STON2: variants seen among roughly 807,000 people sequenced by gnomAD.
STON2 encodes stonin-2.
STON2 carries 29 observed loss-of-function variants against 65.7 expected under a neutral mutation model. The ratio of observed to expected loss-of-function variants is 0.44; its 90% CI spans 0.33 to 0.60. The LOEUF (loss-of-function observed/expected upper bound fraction) is 0.60, where lower values mean the gene tolerates loss of function less well. Ranked by LOEUF, STON2 falls within the 20% of genes least tolerant of loss-of-function variation. The probability of loss-of-function intolerance (pLI) is 0.03; values close to 1 mark genes in which losing one functional copy is unlikely to be tolerated. For synonymous variants in STON2, 404 were observed against 414.2 expected, an observed-to-expected ratio of 0.98 and a Z score of 0.30; for missense variants, 1,054 against 1,118.1, an observed-to-expected ratio of 0.94 and a Z score of 0.82.
chr14:81,271,265 G>T (rs144226775), intron 6 of STON2, among the ~76,000 whole-genome samples: 1 of 152,324 alleles, frequency 6.6e-6, no homozygotes, highest in East Asian at 1.9e-4. Context: ...ACAGCTTCCT[G>T]GAGCAAATCA....
At chr14:81,304,261 T>C (rs1315297228) in intron 5 of STON2, among the ~76,000 whole-genome samples, 1 of 152,212 alleles carries the variant, frequency 6.6e-6, no homozygotes, top group Non-Finnish European at 1.5e-5. Flanking sequence ...TTAAGAGTTA[T>C]TTTCTGGTTA....
intron 2 of STON2, among the ~76,000 whole-genome samples, chr14:81,410,291 A>AC (rs1383324506): frequency 2.9e-4 from 42 of 146,172 alleles, no homozygotes; most frequent in African/African-American, 9.9e-4. Context: ...AAAAAAAAAA[A>AC]AAAAAAAAAA....
chr14:81,419,448 T>C (rs1227058717), intron 2 of STON2, among the ~76,000 whole-genome samples: 3 of 152,210 alleles, frequency 2.0e-5, no homozygotes, highest in Non-Finnish European at 4.4e-5. Context: ...ATTGGGATTT[T>C]TAAAAACAGG....
At chr14:81,386,499 G>A (rs1899813869) in intron 3 of STON2, among the ~76,000 whole-genome samples, 1 of 152,166 alleles carries the variant, frequency 6.6e-6, no homozygotes, top group Admixed American at 6.5e-5. Flanking sequence ...TCTTTCTCTG[G>A]TCCCAAATAA....
At chr14:81,292,720 T>C (rs2140160103) in intron 5 of STON2, among the ~76,000 whole-genome samples, 1 of 152,342 alleles carries the variant, frequency 6.6e-6, no homozygotes, top group South Asian at 2.1e-4. Flanking sequence ...CAGTTCTTTA[T>C]AGCAGTGTGA....
rs573619299 is a variant in STON2, at chr14:81,342,787, GT to G, written c.572-18601del. Among the ~76,000 whole-genome samples, 66 of 152,312 alleles carry G rather than the reference GT, an allele frequency of 4.3e-4. 1 individual carries two copies. The South Asian group carries it at 0.011, about 26-fold the overall frequency. On this transcript the variant is annotated intron_variant, in intron 4 of 7. Coordinates refer to ENST00000614646, the MANE Select transcript of STON2 (RefSeq NM_001394390.1). Reference sequence around the variant, plus strand: ...TCTAGAAGGGGGGGCATGGGGACAAGTGAAGCCAGAGAGCGCCAGAACAGAG... The same window carrying G: ...TCTAGAAGGGGGGGCATGGGGACAAGGAAGCCAGAGAGCGCCAGAACAGAG...
intron 5 of STON2, among the ~76,000 whole-genome samples, chr14:81,284,615 C>A (rs1199814591): frequency 6.6e-6 from 1 of 152,172 alleles, no homozygotes; most frequent in African/African-American, 2.4e-5. Flanking sequence ...GTAGAAGCTG[C>A]AACAAGTTAT....
intron 2 of STON2, among the ~76,000 whole-genome samples, chr14:81,407,744 T>C (rs747437003): frequency 6.6e-6 from 1 of 152,186 alleles, no homozygotes; most frequent in Non-Finnish European, 1.5e-5. Flanking sequence ...AAAGGAAGAA[T>C]GGGAAAAACA....
In STON2 at chr14:81,369,771, G is replaced by A. The variant is rs954173072; in HGVS notation, c.571+1217C>T. Among the ~76,000 whole-genome samples the A allele has an allele frequency of 2.0e-5, 3 of 152,190 alleles. No individual in the cohort carries two copies. In the East Asian group the frequency reaches 5.8e-4, roughly 29 times the overall value. On this transcript the variant is annotated intron_variant, in intron 4 of 7. Transcript: ENST00000614646. ...GCATATGGGCCTCCTCCCTGGAAAG[G>A]CCTGGAAAGGGGGCCCAGAGCAATG...
intron 2 of STON2, among the ~76,000 whole-genome samples, chr14:81,422,887 T>C (rs1416373053): frequency 3.3e-5 from 5 of 151,990 alleles, no homozygotes; most frequent in Non-Finnish European, 5.9e-5. Flanking sequence ...CAAAAAAAAT[T>C]AGCTGGGTGT....
chr14:81,261,150 C>G lies in STON2; in HGVS notation c.*7264G>C, dbSNP rs1894124966. The stretch of plus-strand genomic sequence containing the variant: ...CTTCCCTCACCCCTATACTTTAGAA[C>G]TCTCACACCCAACAATTTGCTGTTG... On this transcript the variant is annotated 3_prime_UTR_variant, in exon 8 of 8. Transcript: ENST00000614646. 1 of 152,200 alleles carries G rather than the reference C, an allele frequency of 6.6e-6. No individual in the cohort carries two copies. Among genetic ancestry groups the G allele is most frequent in the Non-Finnish European group, 1.5e-5 (1 of 68,052 alleles). The allele number at this position is 152,200 out of a possible 1,614,324, so 9.4% of individuals were successfully genotyped here.
chr14:81,386,968 C>T (rs1224274712), intron 3 of STON2, among the ~76,000 whole-genome samples: 2 of 152,104 alleles, frequency 1.3e-5, no homozygotes, highest in African/African-American at 4.8e-5. Context: ...ATATTCTTCC[C>T]GGTACCTGGT....
chr14:81,288,097 G>T (rs934004967), intron 5 of STON2, among the ~76,000 whole-genome samples: 2 of 152,130 alleles, frequency 1.3e-5, no homozygotes, highest in African/African-American at 4.8e-5. Context: ...ATATAACAAG[G>T]TATCTTGAAA....
At chr14:81,428,762 A>C (rs1902103012) in intron 1 of STON2, among the ~76,000 whole-genome samples, 1 of 152,190 alleles carries the variant, frequency 6.6e-6, no homozygotes, top group Admixed American at 6.5e-5. Flanking sequence ...ACTTAAGATA[A>C]ATGTTTTCCG....
chr14:81,414,833 T>C (rs1025850044), intron 2 of STON2, among the ~76,000 whole-genome samples: 4 of 152,170 alleles, frequency 2.6e-5, no homozygotes, highest in African/African-American at 7.2e-5. Context: ...ATGTAAATTA[T>C]TGAGATAATT....
intron 2 of STON2, among the ~76,000 whole-genome samples, chr14:81,422,119 C>T (rs376805932): frequency 3.9e-5 from 6 of 152,132 alleles, no homozygotes; most frequent in African/African-American, 1.2e-4. Context: ...TTTGGCCCTG[C>T]CAAGTCTCCT....
At chr14:81,368,064 G>A (rs770053611) in intron 4 of STON2, among the ~76,000 whole-genome samples, 1 of 151,984 alleles carries the variant, frequency 6.6e-6, no homozygotes, top group Non-Finnish European at 1.5e-5. Context: ...TAAATCCCTT[G>A]GTCCTATTTA....
chr14:81,270,446 G>C (rs1184238916), intron 7 of STON2: 11 of 1,461,430 alleles, frequency 7.5e-6, no homozygotes, highest in East Asian at 7.1e-5. Flanking sequence ...TCTCCTCTTT[G>C]ATGAGCCTCT....
rs1894411972 is a variant in STON2, at chr14:81,267,737, C to T, written c.*677G>A. On this transcript the variant is annotated 3_prime_UTR_variant, in exon 8 of 8. Transcript: ENST00000614646. ...TCCATTCACAAAATTAAAAAGTCTC[C>T]TATTGTGCCTTTTTCCATTGTCTAT... The T allele has an allele frequency of 1.0e-6, 1 of 985,256 alleles. No homozygotes were observed. The highest frequency in any genetic ancestry group is 1.2e-6 in the Non-Finnish European group (1 of 829,930). The allele number at this position is 985,256 out of a possible 1,614,324, so 61.0% of individuals were successfully genotyped here.
Sources: allele counts gnomAD v4.1 joint callset (sites outside exome capture counted in the v4.1 genomes callset), GRCh38; gene constraint gnomAD v4.1.1; transcripts MANE v1.5; gene names NCBI Gene and HGNC (gene_info 2026-07-23, HGNC 2026-07-21).